Variants in MICAL2 observed in about 807,000 individuals in gnomAD.
The protein encoded by MICAL2 is microtubule associated monooxygenase, calponin and LIM domain containing 2.
MICAL2 carries 77 observed loss-of-function variants against 127.3 expected under a neutral mutation model. That is an observed-to-expected ratio of 0.60 (90% CI 0.50 to 0.73). The LOEUF (loss-of-function observed/expected upper bound fraction) is 0.73. Among genes scored for constraint, MICAL2 ranks in the 30% least tolerant of loss-of-function variants. The pLI is 0.00. For synonymous variants in MICAL2, 570 were observed against 551.1 expected (o/e 1.03, Z -0.48); for missense variants, 1,351 against 1,434.4 (o/e 0.94, Z 0.94).
At chr11:12,246,816 C>T (rs1002246247) in intron 21 of MICAL2, among the ~76,000 whole-genome samples, 34 of 152,310 alleles carry the variant, frequency 2.2e-4, no homozygotes, top group African/African-American at 7.9e-4. Flanking sequence ...GCATTTCAGG[C>T]TGTCAGGATA....
intron 6 of MICAL2, among the ~76,000 whole-genome samples, chr11:12,211,913 C>T (rs997232446): frequency 2.5e-4 from 38 of 152,238 alleles, no homozygotes; most frequent in African/African-American, 8.9e-4. Flanking sequence ...TGCTTGCAAA[C>T]AGCATGCAGT....
intron 18 of MICAL2, 69 bp downstream of exon 18, chr11:12,241,231 C>T (rs1006167566): frequency 6.5e-7 from 1 of 1,547,058 alleles, no homozygotes; most frequent in African/African-American, 1.4e-5. Flanking sequence ...TGGGTGGGGT[C>T]AGTGGCTCTT....
intron 15 of MICAL2, among the ~76,000 whole-genome samples, chr11:12,231,181 T>C (rs1162327164): frequency 6.6e-6 from 1 of 152,250 alleles, no homozygotes; most frequent in Non-Finnish European, 1.5e-5. Flanking sequence ...ACACCTGTAC[T>C]TATGGCCACT....
At chr11:12,190,564 A>C (rs1013848148) in intron 3 of MICAL2, among the ~76,000 whole-genome samples, 2 of 152,224 alleles carry the variant, frequency 1.3e-5, no homozygotes, top group Non-Finnish European at 2.9e-5. Context: ...CTTGTGCTTC[A>C]GAATAAGTTG....
At chr11:12,242,612 A>G (rs562062791) in intron 19 of MICAL2, 59 bp from the exon 20 acceptor site, 17 of 1,535,246 alleles carry the variant, frequency 1.1e-5, no homozygotes, top group East Asian at 2.3e-5. Context: ...TTGGAAGCCA[A>G]CTGTCTCAGT....
intron 2 of MICAL2, among the ~76,000 whole-genome samples, chr11:12,283,811 G>A (rs559429716): frequency 1.2e-4 from 19 of 152,330 alleles, no homozygotes; most frequent in African/African-American, 3.4e-4. Context: ...TTCACAGAGC[G>A]TGCCCAAGAG....
downstream of MICAL2, among the ~76,000 whole-genome samples, chr11:12,289,119 C>G (rs958022953): frequency 6.6e-6 from 1 of 152,224 alleles, no homozygotes; most frequent in Non-Finnish European, 1.5e-5. Context: ...CCTCTAGGAT[C>G]TACGAGAAAG....
At chr11:12,138,223 A>T (rs1852008355) in intron 1 of MICAL2, among the ~76,000 whole-genome samples, 167 bp from the exon 2 acceptor site, 1 of 152,102 alleles carries the variant, frequency 6.6e-6, no homozygotes, top group Non-Finnish European at 1.5e-5. Flanking sequence ...CACGTGCAAA[A>T]CTTGTTGGAG....
At chr11:12,282,436 C>A (rs916328098) in intron 2 of MICAL2, among the ~76,000 whole-genome samples, 1 of 152,258 alleles carries the variant, frequency 6.6e-6, no homozygotes, top group East Asian at 1.9e-4. Flanking sequence ...CCCTCCATTT[C>A]CCCTCCAATT....
At position 12,242,718 on chromosome 11, in the gene MICAL2, T is replaced by A. The variant is rs143044700; in HGVS notation, c.2604T>A (p.Ile868=). ...ACAGGGAATTTCACACAAAGAACAT[T>A]AAGGAGAAGGCGGCTCACCTTGCCT... is the stretch of plus-strand genomic sequence containing the variant. ...LANREFHTKN[I]KEKAAHLASM... Residue 868 remains isoleucine, a synonymous_variant, in exon 20 of 28, where the codon ATT becomes ATA. Coordinates refer to ENST00000683283, the MANE Select transcript of MICAL2 (RefSeq NM_001282663.2). 9 of 1,612,380 alleles carry A rather than the reference T, an allele frequency of 5.6e-6. No individual in the cohort carries two copies. The highest frequency in any genetic ancestry group is 1.3e-5 in the African/African-American group (1 of 74,820).
chr11:12,355,749 G>C (rs1589925603), intron 34 of MICAL2, among the ~76,000 whole-genome samples: 2 of 152,138 alleles, frequency 1.3e-5, no homozygotes, highest in African/African-American at 4.8e-5. Flanking sequence ...TGAATGGTAG[G>C]GCTAAGATTT....
intron 3 of MICAL2, among the ~76,000 whole-genome samples, chr11:12,193,443 A>G (rs534628863): frequency 3.3e-5 from 5 of 152,316 alleles, no homozygotes; most frequent in South Asian, 4.1e-4. Flanking sequence ...AGGCCTCATC[A>G]TGGCCCTTCT....
chr11:12,261,515 GC>G, intron 26 of MICAL2: 1 of 985,508 alleles, frequency 1.0e-6, no homozygotes, highest in African/African-American at 1.7e-5. Context: ...CAATCAAGGG[GC>G]CGCCAGAGAA....
At chr11:12,290,687 T>C (rs1485313757), downstream of MICAL2, among the ~76,000 whole-genome samples, 1 of 152,122 alleles carries the variant, frequency 6.6e-6, no homozygotes, top group Non-Finnish European at 1.5e-5. Flanking sequence ...ATCAGATCTG[T>C]TCCCAGAATT....
chr11:12,183,034 T>C (rs7949360), intron 3 of MICAL2, among the ~76,000 whole-genome samples: 43,169 of 151,972 alleles, frequency 0.28, 6,525 homozygotes, highest in Admixed American at 0.37. Flanking sequence ...TGTTCTTAGA[T>C]GGAAAATGCA....
chr11:12,115,134 C>T (rs1472271192), intron 1 of MICAL2, among the ~76,000 whole-genome samples: 5 of 152,236 alleles, frequency 3.3e-5, no homozygotes, highest in Admixed American at 1.3e-4. Context: ...AATCACTATT[C>T]ATCCACAACT....
chr11:12,173,719 C>G (rs982452232), intron 3 of MICAL2, among the ~76,000 whole-genome samples: 3 of 152,136 alleles, frequency 2.0e-5, no homozygotes, highest in Non-Finnish European at 4.4e-5. Context: ...TCCCTCAGCC[C>G]CTGCTACCCT....
intron 32 of MICAL2, among the ~76,000 whole-genome samples, chr11:12,346,539 C>A (rs7124235): frequency 6.6e-6 from 1 of 152,116 alleles, no homozygotes; most frequent in African/African-American, 2.4e-5. Flanking sequence ...AACAAATGTC[C>A]GTGAATGCCT....
At chr11:12,136,333 T>G (rs1325222977) in intron 1 of MICAL2, among the ~76,000 whole-genome samples, 2 of 152,190 alleles carry the variant, frequency 1.3e-5, no homozygotes, top group Non-Finnish European at 2.9e-5. Context: ...TCTCTGCTAA[T>G]CGAGACTTTG....
Sources: allele counts gnomAD v4.1 joint callset (sites outside exome capture counted in the v4.1 genomes callset), GRCh38; gene constraint gnomAD v4.1.1; transcripts MANE v1.5; gene names NCBI Gene and HGNC (gene_info 2026-07-23, HGNC 2026-07-21).